NDUFAF6: variants seen among roughly 807,000 people sequenced by gnomAD.
NDUFAF6 encodes NADH dehydrogenase (ubiquinone) complex I, assembly factor 6.
In NDUFAF6, 45 loss-of-function variants were observed where a neutral mutation model predicts 40.8. That is an observed-to-expected ratio of 1.10 (90% CI 0.87 to 1.42). The LOEUF (loss-of-function observed/expected upper bound fraction) is 1.42. Ranked by LOEUF, NDUFAF6 falls within the 40% of genes most tolerant of loss-of-function variation. The probability of loss-of-function intolerance (pLI) is 0.00; values close to 1 mark genes in which losing one functional copy is unlikely to be tolerated. For synonymous variants in NDUFAF6, 185 were observed against 155.9 expected (o/e 1.19, Z -1.39); for missense variants, 435 against 418.5 (o/e 1.04, Z -0.34).
upstream of NDUFAF6, chr8:94,957,915 C>T (rs565447660): frequency 6.6e-6 from 1 of 152,346 alleles, no homozygotes; most frequent in South Asian, 2.1e-4. Context: ...TGGTGGTGCT[C>T]CTGTCCAGCT....
At chr8:95,001,705 C>A (rs532165983) in intron 2 of NDUFAF6, among the ~76,000 whole-genome samples, 1 of 152,248 alleles carries the variant, frequency 6.6e-6, no homozygotes, top group South Asian at 2.1e-4. Context: ...ATTTGGCTGT[C>A]CAGGGCTGGG....
chr8:95,014,117 C>T (rs1440056870), intron 2 of NDUFAF6, among the ~76,000 whole-genome samples: 1 of 152,238 alleles, frequency 6.6e-6, no homozygotes. Flanking sequence ...ACCCTGATCT[C>T]AGACTTCTCG....
intron 2 of NDUFAF6, among the ~76,000 whole-genome samples, chr8:95,011,660 G>T (rs972568162): frequency 1.3e-5 from 2 of 152,134 alleles, no homozygotes; most frequent in Non-Finnish European, 2.9e-5. Context: ...TCAGATTTGG[G>T]TTTAGGGTGG....
downstream of NDUFAF6, among the ~76,000 whole-genome samples, chr8:95,106,396 T>A (rs1398994281): frequency 2.0e-5 from 3 of 152,140 alleles, no homozygotes; most frequent in East Asian, 5.8e-4. Flanking sequence ...GATTCCTATT[T>A]AATAAATGGT....
chr8:95,017,013 G>A (rs1420339777), intron 2 of NDUFAF6, among the ~76,000 whole-genome samples: 1 of 149,514 alleles, frequency 6.7e-6, no homozygotes, highest in African/African-American at 2.5e-5. Context: ...GGCTCACTGC[G>A]GCCTCAACTT....
At chr8:95,022,914 TGAGA>T (rs137924233), upstream of NDUFAF6, among the ~76,000 whole-genome samples, 9 of 150,046 alleles carry the variant, frequency 6.0e-5, no homozygotes, top group African/African-American at 1.2e-4. Context: ...GAGTAAGTGA[TGAGA>T]GAGAGAGAGA....
At chr8:94,986,707 A>G (rs1190936958) in intron 2 of NDUFAF6, among the ~76,000 whole-genome samples, 1 of 152,204 alleles carries the variant, frequency 6.6e-6, no homozygotes, top group Non-Finnish European at 1.5e-5. Context: ...GAGAAAGCTC[A>G]TTCTAGTCAC....
At chr8:95,056,994 T>G (rs1231278042) in intron 8 of NDUFAF6, among the ~76,000 whole-genome samples, 1 of 152,136 alleles carries the variant, frequency 6.6e-6, no homozygotes, top group Non-Finnish European at 1.5e-5. Context: ...GAAGAAAATA[T>G]TTTTTGTTTT....
At position 94,952,553 on chromosome 8, in the gene NDUFAF6, A is replaced by G. The variant is rs77285099; in HGVS notation, c.-798-5442A>G. ...ATCACTTAGCATTCCAGTGACATCT[A>G]TTGTCTTAAGGGAAGAAAGGATCTG... On this transcript the variant is annotated intron_variant, in intron 2 of 14. Coordinates refer to the NDUFAF6 transcript ENST00000396113. Among the ~76,000 whole-genome samples the G allele has an allele frequency of 6.6e-3, 1,000 of 152,330 alleles. 24 individuals are homozygous for G. The highest frequency in any genetic ancestry group is 0.051 in the East Asian group (265 of 5,190).
chr8:95,035,650 G>T, intron 3 of NDUFAF6, 74 bp downstream of exon 3: 1 of 1,399,672 alleles, frequency 7.1e-7, no homozygotes, highest in South Asian at 1.2e-5. Flanking sequence ...ATATAATTTG[G>T]GTACTGGTGA....
upstream of NDUFAF6, among the ~76,000 whole-genome samples, chr8:95,097,694 C>T (rs1284824784): frequency 6.6e-6 from 1 of 152,138 alleles, no homozygotes; most frequent in Non-Finnish European, 1.5e-5. Flanking sequence ...AGTGAAACTC[C>T]ATCTCAAAAT....
intron 1 of NDUFAF6, among the ~76,000 whole-genome samples, chr8:94,904,343 T>C (rs1818249031): frequency 8.5e-6 from 1 of 117,314 alleles, no homozygotes; most frequent in Admixed American, 8.6e-5. Flanking sequence ...TTTTTTTTTT[T>C]TTTTTTTTTT....
intron 5 of NDUFAF6, among the ~76,000 whole-genome samples, chr8:95,046,555 C>T (rs190139186): frequency 6.6e-6 from 1 of 152,286 alleles, no homozygotes; most frequent in Non-Finnish European, 1.5e-5. Flanking sequence ...TACAAGTCCC[C>T]ATTGCATCTC....
intron 2 of NDUFAF6, among the ~76,000 whole-genome samples, chr8:95,013,314 C>T (rs2131677505): frequency 6.6e-6 from 1 of 152,210 alleles, no homozygotes; most frequent in East Asian, 1.9e-4. Flanking sequence ...CTATGCTGTC[C>T]AGACTAGTCT....
At position 94,904,894 on chromosome 8, in the gene NDUFAF6, A is replaced by G. The variant is rs142416945; in HGVS notation, c.-936+8967A>G. 3.6e-3 allele frequency among the ~76,000 whole-genome samples: 541 copies of G among 152,180 alleles called. 1 individual carries two copies. Among genetic ancestry groups the G allele is most frequent in the Admixed American group, 5.0e-3 (76 of 15,264 alleles). ...TTTAAAAAAAAAATCATAATAGAAT[A>G]TTGGGTTAAAATTTTCTTCTTCTGG... On this transcript the variant is annotated intron_variant, in intron 1 of 14. Transcript: ENST00000396113.
At chr8:94,930,699 T>G in intron 1 of NDUFAF6, 1 of 1,614,212 alleles carries the variant, frequency 6.2e-7, no homozygotes, top group Non-Finnish European at 8.5e-7. Context: ...ACAATGAATA[T>G]GCTGCCCCAT....
chr8:94,959,314 A>G (rs1261840546), intron 1 of NDUFAF6, among the ~76,000 whole-genome samples: 1 of 152,162 alleles, frequency 6.6e-6, no homozygotes, highest in Non-Finnish European at 1.5e-5. Context: ...TCACATATCA[A>G]ATTACAGCTG....
intron 1 of NDUFAF6, among the ~76,000 whole-genome samples, chr8:94,904,320 CTTTTTT>C (rs57749627): frequency 1.2e-3 from 42 of 34,126 alleles, no homozygotes; most frequent in African/African-American, 4.7e-3. Flanking sequence ...ATTTTTTTTG[CTTTTTT>C]TTTTTTTTTT....
intron 9 of NDUFAF6, among the ~76,000 whole-genome samples, chr8:95,064,459 A>G (rs1040615837): frequency 1.3e-5 from 2 of 152,174 alleles, no homozygotes; most frequent in Admixed American, 6.5e-5. Context: ...AATAAACACA[A>G]AAGTGTAAAG....
Sources: gnomAD v4.1 joint callset for allele counts (sites outside exome capture counted in the v4.1 genomes callset) on GRCh38, gnomAD v4.1.1 for gene constraint, MANE v1.5 for transcripts, NCBI Gene and HGNC (gene_info 2026-07-23, HGNC 2026-07-21) for gene names.